JPH3: variants seen among roughly 807,000 people sequenced by gnomAD.
The protein encoded by JPH3 is junctophilin 3, also known as junctophilin-3.
In JPH3, 11 loss-of-function variants were observed where a neutral mutation model predicts 59.6. That is an observed-to-expected ratio of 0.18 (90% confidence interval 0.12 to 0.31). The LOEUF (loss-of-function observed/expected upper bound fraction) is 0.31, where lower values mean the gene tolerates loss of function less well. JPH3 is among the 10% of genes least tolerant of loss of function. JPH3 has a pLI of 1.00. For missense variants in JPH3, 1,202 were observed against 1,105.7 expected (o/e 1.09, Z -1.24); for synonymous variants, 673 against 483.6 (o/e 1.39, Z -5.14).
At chr16:87,633,397 G>T (rs7199162) in intron 1 of JPH3, among the ~76,000 whole-genome samples, 10,875 of 150,204 alleles carry the variant, frequency 0.072, 1,241 homozygotes, top group African/African-American at 0.24. Flanking sequence ...GGGTAGGACT[G>T]CAGCATATGC....
chr16:87,614,402 T>TC (rs2030860767), intron 1 of JPH3, among the ~76,000 whole-genome samples: 1 of 148,742 alleles, frequency 6.7e-6, no homozygotes, highest in African/African-American at 2.5e-5. Flanking sequence ...GTGCGTCCCC[T>TC]CCAAGGATAA....
intron 1 of JPH3, among the ~76,000 whole-genome samples, chr16:87,636,417 G>A (rs534229132): frequency 6.6e-5 from 10 of 152,236 alleles, no homozygotes; most frequent in South Asian, 2.1e-4. Context: ...TGGTGCAGGC[G>A]TGTGCGCTCA....
At chr16:87,657,515 C>T (rs1415949543) in intron 2 of JPH3, among the ~76,000 whole-genome samples, 2 of 152,104 alleles carry the variant, frequency 1.3e-5, no homozygotes, top group African/African-American at 4.8e-5. Context: ...TGCCACTGAA[C>T]TGTGAACTTT....
chr16:87,648,972 G>A (rs1368764808), intron 2 of JPH3, among the ~76,000 whole-genome samples: 1 of 152,226 alleles, frequency 6.6e-6, no homozygotes, highest in Non-Finnish European at 1.5e-5. Flanking sequence ...CTGCCGCCGG[G>A]AGGCCTTGGC....
chr16:87,622,836 G>A (rs896926311), intron 1 of JPH3, among the ~76,000 whole-genome samples: 5 of 152,132 alleles, frequency 3.3e-5, no homozygotes, highest in Non-Finnish European at 7.4e-5. Flanking sequence ...TGGGGAGGTG[G>A]TGTAGCCAGT....
chr16:87,637,114 G>A (rs141661351), intron 1 of JPH3, among the ~76,000 whole-genome samples: 3 of 152,342 alleles, frequency 2.0e-5, no homozygotes, highest in Non-Finnish European at 2.9e-5. Flanking sequence ...TATCTTAGGA[G>A]TCGGAAATCT....
chr16:87,652,562 CA>C (rs1383666604), intron 2 of JPH3, among the ~76,000 whole-genome samples: 6 of 152,264 alleles, frequency 3.9e-5, no homozygotes, highest in Middle Eastern at 3.2e-3. Flanking sequence ...GTCCCGGGCT[CA>C]AGTGATCCTC....
intron 1 of JPH3, among the ~76,000 whole-genome samples, chr16:87,642,719 G>T (rs1037563258): frequency 1.3e-5 from 2 of 152,186 alleles, no homozygotes; most frequent in Admixed American, 1.3e-4. Flanking sequence ...GTTGGGCGTC[G>T]TGCTGAGGCC....
At chr16:87,677,125 A>T (rs138382881) in intron 2 of JPH3, among the ~76,000 whole-genome samples, 1 of 147,536 alleles carries the variant, frequency 6.8e-6, no homozygotes, top group Non-Finnish European at 1.5e-5. Context: ...TGCCACTGCA[A>T]TCCAGCCTAG....
intron 2 of JPH3, among the ~76,000 whole-genome samples, chr16:87,660,092 C>T (rs1158984719): frequency 6.6e-6 from 1 of 152,168 alleles, no homozygotes; most frequent in African/African-American, 2.4e-5. Flanking sequence ...CGTCACCTCC[C>T]TGTGCCTCAG....
At chr16:87,660,775 C>T (rs188991549) in intron 2 of JPH3, among the ~76,000 whole-genome samples, 1 of 152,314 alleles carries the variant, frequency 6.6e-6, no homozygotes, top group East Asian at 1.9e-4. Flanking sequence ...GGGGCACCTC[C>T]TCTTGGGCCA....
chr16:87,666,240 C>T (rs1246691623), intron 2 of JPH3, among the ~76,000 whole-genome samples: 1 of 152,040 alleles, frequency 6.6e-6, no homozygotes, highest in Non-Finnish European at 1.5e-5. Context: ...AGGCACCTGC[C>T]ACCATGCCCA....
chr16:87,626,825 A>G (rs1413418069), intron 1 of JPH3, among the ~76,000 whole-genome samples: 1 of 152,188 alleles, frequency 6.6e-6, no homozygotes, highest in Non-Finnish European at 1.5e-5. Flanking sequence ...CTTCAGCAGC[A>G]AGAGTGTTGG....
intron 2 of JPH3, among the ~76,000 whole-genome samples, chr16:87,665,106 A>G (rs1320762065): frequency 6.6e-6 from 1 of 152,098 alleles, no homozygotes; most frequent in Non-Finnish European, 1.5e-5. Flanking sequence ...CTTTGACTCC[A>G]GGGAGGGAGG....
chr16:87,606,811 A>G (rs1166154789), intron 1 of JPH3, among the ~76,000 whole-genome samples: 3 of 152,222 alleles, frequency 2.0e-5, no homozygotes, highest in African/African-American at 7.2e-5. Context: ...GAGACTGGTG[A>G]TCATGTAAAT....
At chr16:87,656,973 C>A (rs1336289671) in intron 2 of JPH3, among the ~76,000 whole-genome samples, 1 of 152,104 alleles carries the variant, frequency 6.6e-6, no homozygotes, top group African/African-American at 2.4e-5. Context: ...CTTATAAGGT[C>A]ACCAGTCCCA....
At chr16:87,625,196 C>CT (rs1380129344) in intron 1 of JPH3, among the ~76,000 whole-genome samples, 1 of 152,250 alleles carries the variant, frequency 6.6e-6, no homozygotes, top group African/African-American at 2.4e-5. Flanking sequence ...GCTGAGAAGT[C>CT]TTTTCCAGGG....
chr16:87,621,384 C>T (rs1170754552), intron 1 of JPH3, among the ~76,000 whole-genome samples: 3 of 152,190 alleles, frequency 2.0e-5, no homozygotes, highest in Non-Finnish European at 2.9e-5. Flanking sequence ...CTGGGATCCG[C>T]GGCTGCGCAA....
chr16:87,621,721 G>A (rs2031193192), intron 1 of JPH3, among the ~76,000 whole-genome samples: 1 of 152,228 alleles, frequency 6.6e-6, no homozygotes, highest in African/African-American at 2.4e-5. Context: ...GGAACCACGG[G>A]GCAAGAGGGT....
Sources: gnomAD v4.1 joint callset for allele counts (sites outside exome capture counted in the v4.1 genomes callset) on GRCh38, gnomAD v4.1.1 for gene constraint, MANE v1.5 for transcripts, NCBI Gene and HGNC (gene_info 2026-07-23, HGNC 2026-07-21) for gene names.